Variants in SLC24A2 observed in about 807,000 individuals in gnomAD.
SLC24A2 encodes the protein sodium/potassium/calcium exchanger 2.
SLC24A2 carries 36 observed loss-of-function variants against 62.0 expected under a neutral mutation model. The ratio of observed to expected loss-of-function variants is 0.58; its 90% CI spans 0.44 to 0.77. The LOEUF is 0.77. Among genes scored for constraint, SLC24A2 ranks in the 30% least tolerant of loss-of-function variants. SLC24A2 has a pLI of 0.00. For missense variants in SLC24A2, 846 were observed against 817.9 expected, an observed-to-expected ratio of 1.03 and a Z score of -0.42; for synonymous variants, 358 against 294.0, an observed-to-expected ratio of 1.22 and a Z score of -2.23.
intron 8 of SLC24A2, among the ~76,000 whole-genome samples, chr9:19,529,828 G>A (rs371888128): frequency 4.0e-5 from 6 of 149,124 alleles, no homozygotes; most frequent in Non-Finnish European, 1.5e-5. Flanking sequence ...TTGGCTCACT[G>A]CAACCTCTGC....
chr9:19,615,892 CA>C (rs1346031320), intron 4 of SLC24A2, among the ~76,000 whole-genome samples: 4 of 151,842 alleles, frequency 2.6e-5, no homozygotes, highest in African/African-American at 9.7e-5. Context: ...ACAGAAAAAA[CA>C]AAAACAAGCC....
chr9:19,629,325 A>T (rs577944986), intron 2 of SLC24A2, among the ~76,000 whole-genome samples: 7 of 152,234 alleles, frequency 4.6e-5, no homozygotes, highest in Non-Finnish European at 1.0e-4. Flanking sequence ...CACATATATT[A>T]AGAACTGTTA....
At chr9:19,636,621 G>C (rs1014623422) in intron 2 of SLC24A2, among the ~76,000 whole-genome samples, 2 of 151,754 alleles carry the variant, frequency 1.3e-5, no homozygotes, top group African/African-American at 2.4e-5. Context: ...TTTTAGTAAA[G>C]ACAAGGTTTC....
intron 2 of SLC24A2, among the ~76,000 whole-genome samples, chr9:19,650,837 G>T (rs952162809): frequency 6.6e-6 from 1 of 151,882 alleles, no homozygotes; most frequent in African/African-American, 2.4e-5. Flanking sequence ...GTGTGTGTGT[G>T]TGTGTGTGTG....
the SLC24A2 span, among the ~76,000 whole-genome samples, chr9:20,206,980 T>C: frequency 6.6e-6 from 1 of 152,222 alleles, no homozygotes; most frequent in South Asian, 2.1e-4. Flanking sequence ...TATGCCATTA[T>C]ACTTACTCCA....
the SLC24A2 span, among the ~76,000 whole-genome samples, chr9:20,232,714 G>T: frequency 1.2e-3 from 183 of 152,196 alleles, no homozygotes; most frequent in African/African-American, 4.1e-3. Flanking sequence ...TTTTTGAAGG[G>T]TTTTTTGTGT....
the SLC24A2 span, among the ~76,000 whole-genome samples, chr9:20,227,385 T>G: frequency 6.6e-6 from 1 of 152,128 alleles, no homozygotes; most frequent in African/African-American, 2.4e-5. Flanking sequence ...GCATCATCTT[T>G]GTGGTGTTTT....
chr9:19,834,116 A>C, the SLC24A2 span, among the ~76,000 whole-genome samples: 1 of 152,244 alleles, frequency 6.6e-6, no homozygotes, highest in Non-Finnish European at 1.5e-5. Context: ...TAAAACCACA[A>C]AGATAGGGAA....
In SLC24A2 at chr9:19,560,973, G is replaced by A. The variant is rs370566022; in HGVS notation, c.1348-10705C>T. On this transcript the variant is annotated intron_variant, in intron 7 of 10. Coordinates refer to ENST00000341998, the MANE Select transcript of SLC24A2 (RefSeq NM_020344.4). Reference sequence around the variant, plus strand: ...CAGAGTCTTACTCTGTCACCCAGGTGGGAGTGCAGTGGCATGATCTTGGCT... The same window carrying A: ...CAGAGTCTTACTCTGTCACCCAGGTAGGAGTGCAGTGGCATGATCTTGGCT... 2.9e-4 allele frequency among the ~76,000 whole-genome samples: 44 copies of A among 151,472 alleles called. 1 individual carries two copies. Among genetic ancestry groups the A allele is most frequent in the African/African-American group, 9.0e-4 (37 of 41,284 alleles).
chr9:20,235,872 C>G, the SLC24A2 span, among the ~76,000 whole-genome samples: 1 of 150,712 alleles, frequency 6.6e-6, no homozygotes, highest in East Asian at 1.9e-4. Context: ...CTTCTTGGCT[C>G]CAGGCTATTT....
chr9:20,179,536 A>G, the SLC24A2 span, among the ~76,000 whole-genome samples: 1 of 152,176 alleles, frequency 6.6e-6, no homozygotes, highest in Admixed American at 6.6e-5. Context: ...AGGACACAGA[A>G]GCTAGGGAGC....
At chr9:20,080,869 A>G in the SLC24A2 span, among the ~76,000 whole-genome samples, 402 of 152,274 alleles carry the variant, frequency 2.6e-3, 1 homozygote, top group African/African-American at 9.1e-3. Flanking sequence ...CAAAAGACAC[A>G]TGAAAAAATG....
the SLC24A2 span, among the ~76,000 whole-genome samples, chr9:20,212,784 A>C: frequency 6.6e-6 from 1 of 151,416 alleles, no homozygotes; most frequent in South Asian, 2.1e-4. Flanking sequence ...TATGTATATA[A>C]AATATGTGTA....
At chr9:19,694,893 T>G (rs1050283900) in intron 2 of SLC24A2, among the ~76,000 whole-genome samples, 24 of 152,078 alleles carry the variant, frequency 1.6e-4, no homozygotes, top group Non-Finnish European at 7.4e-5. Flanking sequence ...CTGTGCAAAT[T>G]GCTGTACTAG....
intron 2 of SLC24A2, among the ~76,000 whole-genome samples, chr9:19,624,984 G>A (rs2117936222): frequency 6.6e-6 from 1 of 152,298 alleles, no homozygotes; most frequent in African/African-American, 2.4e-5. Flanking sequence ...AGTAACTAGT[G>A]AAGGTGACAA....
chr9:19,870,340 G>A, the SLC24A2 span, among the ~76,000 whole-genome samples: 1 of 152,126 alleles, frequency 6.6e-6, no homozygotes, highest in Non-Finnish European at 1.5e-5. Flanking sequence ...GTTATAGCAT[G>A]TAACCACAGT....
chr9:19,995,632 A>T, the SLC24A2 span, among the ~76,000 whole-genome samples: 1 of 152,222 alleles, frequency 6.6e-6, no homozygotes, highest in Non-Finnish European at 1.5e-5. Flanking sequence ...AACACATTTA[A>T]ACTCTTTGAC....
At chr9:19,719,608 G>A (rs746593672) in intron 2 of SLC24A2, among the ~76,000 whole-genome samples, 3 of 152,128 alleles carry the variant, frequency 2.0e-5, no homozygotes, top group Non-Finnish European at 4.4e-5. Context: ...GAGAAAGAAG[G>A]AACCAGCCTG....
At chr9:20,076,540 G>A in the SLC24A2 span, among the ~76,000 whole-genome samples, 1 of 152,240 alleles carries the variant, frequency 6.6e-6, no homozygotes, top group East Asian at 1.9e-4. Context: ...AGGCAAGAAA[G>A]ACTCTCCTTC....
Sources: allele counts gnomAD v4.1 joint callset (sites outside exome capture counted in the v4.1 genomes callset), GRCh38; gene constraint gnomAD v4.1.1; transcripts MANE v1.5; gene names NCBI Gene and HGNC (gene_info 2026-07-23, HGNC 2026-07-21).